MAGI2: variants seen among roughly 807,000 people sequenced by gnomAD.
MAGI2 encodes the protein membrane associated guanylate kinase, WW and PDZ domain containing 2.
In MAGI2, 35 loss-of-function variants were observed where a neutral mutation model predicts 133.3. The observed-to-expected ratio is 0.26, with a 90% CI of 0.20 to 0.35. The LOEUF is 0.35. Among genes scored for constraint, MAGI2 ranks in the 10% least tolerant of loss-of-function variants. MAGI2 has a pLI of 1.00. For synonymous variants in MAGI2, 729 were observed against 710.6 expected (o/e 1.03, Z -0.41); for missense variants, 1,636 against 1,863.4 (o/e 0.88, Z 2.25).
At chr7:78,692,293 C>A (rs1019278810) in intron 2 of MAGI2, among the ~76,000 whole-genome samples, 1 of 152,084 alleles carries the variant, frequency 6.6e-6, no homozygotes, top group Non-Finnish European at 1.5e-5. Context: ...AAAGAAGAGA[C>A]TGAATGGTAT....
intron 1 of MAGI2, among the ~76,000 whole-genome samples, chr7:79,230,897 GT>G (rs2129554214): frequency 7.3e-6 from 1 of 136,888 alleles, no homozygotes; most frequent in African/African-American, 2.7e-5. Context: ...TAATGCCTAG[GT>G]TTTCTTCTAG....
intron 2 of MAGI2, among the ~76,000 whole-genome samples, chr7:78,699,566 T>C (rs1222296866): frequency 6.6e-6 from 1 of 152,142 alleles, no homozygotes; most frequent in Non-Finnish European, 1.5e-5. Context: ...TACAAAAAAT[T>C]CCAAGATCTC....
chr7:78,935,665 G>A (rs1169763374), intron 2 of MAGI2, among the ~76,000 whole-genome samples: 1 of 152,018 alleles, frequency 6.6e-6, no homozygotes, highest in Non-Finnish European at 1.5e-5. Context: ...AAGAGAAACA[G>A]CAACTAGATT....
chr7:78,154,497 C>T (rs998280349), intron 16 of MAGI2, among the ~76,000 whole-genome samples: 3 of 152,142 alleles, frequency 2.0e-5, no homozygotes, highest in Non-Finnish European at 4.4e-5. Flanking sequence ...AAGTTTGTTC[C>T]CCTACTGCTG....
At chr7:78,129,761 C>T (rs1821359872) in intron 18 of MAGI2, among the ~76,000 whole-genome samples, 1 of 151,862 alleles carries the variant, frequency 6.6e-6, no homozygotes, top group Non-Finnish European at 1.5e-5. Context: ...CATGGAGAAA[C>T]CCCGTCTCTA....
chr7:78,641,826 C>T (rs551696681), intron 2 of MAGI2, among the ~76,000 whole-genome samples: 59 of 152,168 alleles, frequency 3.9e-4, no homozygotes, highest in Non-Finnish European at 7.4e-4. Flanking sequence ...TGTTCTTATG[C>T]AATCTTTGAA....
intron 1 of MAGI2, among the ~76,000 whole-genome samples, chr7:79,132,001 A>T (rs1820979352): frequency 6.6e-6 from 1 of 152,294 alleles, no homozygotes; most frequent in Non-Finnish European, 1.5e-5. Flanking sequence ...TTTATAAAAC[A>T]TTTTATGACT....
chr7:78,145,850 G>A (rs571061441), intron 16 of MAGI2, among the ~76,000 whole-genome samples: 42 of 152,134 alleles, frequency 2.8e-4, no homozygotes, highest in African/African-American at 1.0e-3. Context: ...TCTTATGAGG[G>A]CACCAATCCC....
At chr7:78,250,666 A>G (rs781714841) in intron 10 of MAGI2, among the ~76,000 whole-genome samples, 2 of 152,188 alleles carry the variant, frequency 1.3e-5, no homozygotes, top group Middle Eastern at 3.4e-3. Context: ...GAATTATAAA[A>G]ATTTCTAGAA....
chr7:78,739,827 A>G (rs1050599577), intron 2 of MAGI2, among the ~76,000 whole-genome samples: 1 of 152,132 alleles, frequency 6.6e-6, no homozygotes, highest in East Asian at 1.9e-4. Flanking sequence ...TCACGTCGGT[A>G]AGCAGAGTGA....
At chr7:79,028,281 ATATATATATATGTGTG>A (rs1810177628) in intron 1 of MAGI2, among the ~76,000 whole-genome samples, 8 of 49,256 alleles carry the variant, frequency 1.6e-4, no homozygotes, top group African/African-American at 5.3e-4. Context: ...ATGTATGTAT[ATATATATATATGTGTG>A]TATATATATA....
intron 10 of MAGI2, among the ~76,000 whole-genome samples, chr7:78,207,985 T>G (rs1787277404): frequency 6.6e-6 from 1 of 152,032 alleles, no homozygotes; most frequent in African/African-American, 2.4e-5. Context: ...GTTCTCTGCC[T>G]CAGCCTCCCA....
At chr7:78,922,196 T>A (rs113266623) in intron 2 of MAGI2, among the ~76,000 whole-genome samples, 6 of 151,762 alleles carry the variant, frequency 4.0e-5, no homozygotes, top group South Asian at 2.1e-4. Context: ...ATTTCTTTTT[T>A]TTATTATTAT....
intron 6 of MAGI2, among the ~76,000 whole-genome samples, chr7:78,444,386 T>C (rs1307575667): frequency 6.6e-6 from 1 of 152,042 alleles, no homozygotes; most frequent in African/African-American, 2.4e-5. Context: ...CACAATTCAT[T>C]AATGGGCTTT....
intron 10 of MAGI2, among the ~76,000 whole-genome samples, chr7:78,219,191 T>A (rs1410996873): frequency 2.0e-5 from 3 of 152,130 alleles, no homozygotes; most frequent in Non-Finnish European, 2.9e-5. Context: ...GGGGTCTCCC[T>A]CTCTCTCATG....
At position 78,833,971 on chromosome 7, in the gene MAGI2, G is replaced by A. The variant is rs573689294; in HGVS notation, c.418+173119C>T. Among the ~76,000 whole-genome samples the A allele has an allele frequency of 4.7e-4, 72 of 152,230 alleles. 1 individual carries two copies. The highest frequency in any genetic ancestry group is 1.6e-3 in the African/African-American group (65 of 41,548). On this transcript the variant is annotated intron_variant, in intron 2 of 21. Transcript: ENST00000354212. ...CATAGCCAGAAATCATTTTACTAAC[G>A]TGAAAGTCATTATTATGTCCCCTAT...
chr7:79,054,878 C>T (rs1018958458), intron 1 of MAGI2, among the ~76,000 whole-genome samples: 9 of 152,190 alleles, frequency 5.9e-5, no homozygotes, highest in African/African-American at 2.2e-4. Context: ...ATAACCTCCG[C>T]CTCCCAGGTT....
intron 16 of MAGI2, among the ~76,000 whole-genome samples, chr7:78,137,335 G>C (rs1822259141): frequency 6.6e-6 from 1 of 152,190 alleles, no homozygotes; most frequent in South Asian, 2.1e-4. Context: ...TATACTAATA[G>C]CATTGACTTC....
intron 10 of MAGI2, among the ~76,000 whole-genome samples, chr7:78,239,608 G>T (rs73150238): frequency 2.0e-5 from 3 of 152,052 alleles, no homozygotes; most frequent in Admixed American, 2.0e-4. Context: ...GCCTGAGTAG[G>T]TATTTATCAC....
Sources: gnomAD v4.1 joint callset for allele counts (sites outside exome capture counted in the v4.1 genomes callset) on GRCh38, gnomAD v4.1.1 for gene constraint, MANE v1.5 for transcripts, NCBI Gene and HGNC (gene_info 2026-07-23, HGNC 2026-07-21) for gene names.